Variants in CSTPP1 observed in about 807,000 individuals in gnomAD.
CSTPP1 encodes the protein centriolar satellite-associated tubulin polyglutamylase complex regulator 1, also known as UPF0705 protein C11orf49.
chr11:46,963,850 A>C, the CSTPP1 span, among the ~76,000 whole-genome samples: 3 of 151,950 alleles, frequency 2.0e-5, no homozygotes, highest in African/African-American at 7.2e-5. Context: ...AGCTAGACCA[A>C]CTAGCTATGA....
At chr11:46,948,009 T>G in the CSTPP1 span, 12 of 455,738 alleles carry the variant, frequency 2.6e-5, no homozygotes, top group Non-Finnish European at 4.9e-5. Context: ...ATGGGAAAAT[T>G]CTGTATTTTA....
At chr11:47,013,095 A>G in the CSTPP1 span, among the ~76,000 whole-genome samples, 1 of 146,514 alleles carries the variant, frequency 6.8e-6, no homozygotes, top group South Asian at 2.1e-4. Context: ...ACATATAATC[A>G]TATATTATTA....
chr11:47,132,863 A>C, the CSTPP1 span, among the ~76,000 whole-genome samples: 1 of 152,306 alleles, frequency 6.6e-6, no homozygotes, highest in East Asian at 1.9e-4. Flanking sequence ...CCTAGGTCTG[A>C]ATCTCAGCCC....
the CSTPP1 span, among the ~76,000 whole-genome samples, chr11:47,122,091 A>AAAAAAAAAAAAATATATATAT: frequency 9.4e-5 from 3 of 31,834 alleles, no homozygotes; most frequent in African/African-American, 9.7e-5. Flanking sequence ...AAAAAAAAAA[A>AAAAAAAAAAAAATATATATAT]ATATATATAT....
chr11:47,107,274 C>T, the CSTPP1 span, among the ~76,000 whole-genome samples: 7 of 152,144 alleles, frequency 4.6e-5, no homozygotes, highest in Non-Finnish European at 1.0e-4. Context: ...TTTGTGAGAG[C>T]GCCCTGGAAC....
chr11:47,152,794 C>T, the CSTPP1 span, among the ~76,000 whole-genome samples: 1 of 152,172 alleles, frequency 6.6e-6, no homozygotes, highest in Non-Finnish European at 1.5e-5. Context: ...TGATGATCAA[C>T]AGAAGCCATG....
chr11:47,048,811 AATGGTTAAATGATAAAT>A, the CSTPP1 span, among the ~76,000 whole-genome samples: 2 of 152,150 alleles, frequency 1.3e-5, no homozygotes, highest in African/African-American at 4.8e-5. Context: ...TACAGTTGCA[AATGGTTAAATGATAAAT>A]ATTATGTATA....
chr11:46,937,138 T>C, the CSTPP1 span, among the ~76,000 whole-genome samples: 1 of 152,196 alleles, frequency 6.6e-6, no homozygotes, highest in Non-Finnish European at 1.5e-5. Context: ...TGGGGTATTA[T>C]TGATATGCTG....
At chr11:47,041,791 G>C in the CSTPP1 span, 1 of 503,018 alleles carries the variant, frequency 2.0e-6, no homozygotes, top group East Asian at 3.3e-5. Flanking sequence ...TAGGTCTGTG[G>C]AGATGATCAG....
the CSTPP1 span, chr11:47,155,086 G>T: frequency 2.0e-6 from 2 of 1,009,158 alleles, no homozygotes; most frequent in Non-Finnish European, 1.6e-6. Context: ...CCTCTCCCCC[G>T]CACTTTTCCC....
chr11:47,146,703 A>G, the CSTPP1 span, among the ~76,000 whole-genome samples: 9,176 of 152,314 alleles, frequency 0.06, 361 homozygotes, highest in Middle Eastern at 0.092. Flanking sequence ...TTAAAGTTCA[A>G]GAGCTACTCC....
chr11:46,989,750 G>C, the CSTPP1 span, among the ~76,000 whole-genome samples: 8 of 152,178 alleles, frequency 5.3e-5, no homozygotes, highest in African/African-American at 1.9e-4. Flanking sequence ...TTGCACCCAG[G>C]TAGTGAGCAT....
At chr11:46,982,119 C>CT in the CSTPP1 span, among the ~76,000 whole-genome samples, 36 of 149,104 alleles carry the variant, frequency 2.4e-4, no homozygotes, top group Non-Finnish European at 4.8e-4. Flanking sequence ...AACAGGTTTA[C>CT]TTTTTTTTTT....
the CSTPP1 span, among the ~76,000 whole-genome samples, chr11:47,061,093 C>CT: frequency 1.3e-5 from 2 of 151,928 alleles, no homozygotes; most frequent in East Asian, 1.9e-4. Flanking sequence ...TTTTCCTTTC[C>CT]TTTTTTTTCT....
chr11:47,107,076 G>C, the CSTPP1 span, among the ~76,000 whole-genome samples: 2 of 152,184 alleles, frequency 1.3e-5, no homozygotes, highest in Admixed American at 6.5e-5. Flanking sequence ...TTGCATGCAG[G>C]GGAAGGAGGG....
At chr11:47,039,757 T>C in the CSTPP1 span, among the ~76,000 whole-genome samples, 2 of 128,130 alleles carry the variant, frequency 1.6e-5, 1 homozygote, top group Non-Finnish European at 3.7e-5. Flanking sequence ...GAGAATGGCA[T>C]GAACCCGGGA....
At chr11:47,134,950 A>AT in the CSTPP1 span, among the ~76,000 whole-genome samples, 4 of 152,014 alleles carry the variant, frequency 2.6e-5, no homozygotes, top group Non-Finnish European at 5.9e-5. Context: ...CTCTACAAAA[A>AT]TTTTTTAAAT....
At chr11:46,999,029 C>T in the CSTPP1 span, among the ~76,000 whole-genome samples, 3 of 151,966 alleles carry the variant, frequency 2.0e-5, no homozygotes, top group East Asian at 1.9e-4. Flanking sequence ...TGTGAGCCAC[C>T]GCGCCTGGCC....
At chr11:46,956,777 G>A in the CSTPP1 span, among the ~76,000 whole-genome samples, 1 of 151,812 alleles carries the variant, frequency 6.6e-6, no homozygotes, top group African/African-American at 2.4e-5. Flanking sequence ...AGAAGATGAG[G>A]ATTTAGGTCT....
Sources: allele counts gnomAD v4.1 joint callset (sites outside exome capture counted in the v4.1 genomes callset), GRCh38; gene constraint gnomAD v4.1.1; transcripts MANE v1.5; gene names NCBI Gene and HGNC (gene_info 2026-07-23, HGNC 2026-07-21).